SLC16A1: variants seen among roughly 807,000 people sequenced by gnomAD.
The protein encoded by SLC16A1 is solute carrier family 16 member 1, also known as monocarboxylate transporter 1.
Under a neutral mutation model 32.2 loss-of-function variants are expected in SLC16A1, and 11 were observed. The observed-to-expected ratio is 0.34, with a 90% confidence interval of 0.21 to 0.56. The LOEUF (loss-of-function observed/expected upper bound fraction) is 0.56, where lower values mean the gene tolerates loss of function less well. SLC16A1 is among the 20% of genes least tolerant of loss of function. The pLI is 0.87. For missense variants in SLC16A1, 435 were observed against 615.0 expected, an observed-to-expected ratio of 0.71 and a Z score of 3.10; for synonymous variants, 231 against 226.8, an observed-to-expected ratio of 1.02 and a Z score of -0.17.
chr1:112,918,089 T>G (rs756350441), intron 3 of SLC16A1, 45 bp from the exon 4 acceptor site: 2 of 1,089,062 alleles, frequency 1.8e-6, no homozygotes, highest in Non-Finnish European at 1.2e-6. Flanking sequence ...AATAAATAAA[T>G]AAATAAATAA....
intron 1 of SLC16A1, among the ~76,000 whole-genome samples, chr1:112,951,008 A>AT (rs909249573): frequency 7.3e-5 from 11 of 151,628 alleles, no homozygotes; most frequent in African/African-American, 2.4e-4. Flanking sequence ...ATAAATTATA[A>AT]TTTATAGATT....
intron 1 of SLC16A1, 71 bp from the exon 2 acceptor site, chr1:112,929,423 A>C: frequency 2.3e-6 from 2 of 856,468 alleles, no homozygotes; most frequent in Non-Finnish European, 3.8e-6. Flanking sequence ...TGAAATAAGA[A>C]ATATAGCCAA....
intron 4 of SLC16A1, among the ~76,000 whole-genome samples, chr1:112,914,740 A>G (rs1213895414): frequency 1.3e-5 from 2 of 152,258 alleles, no homozygotes; most frequent in Non-Finnish European, 2.9e-5. Flanking sequence ...CACAAAACTA[A>G]TAAGTGAAAT....
intron 1 of SLC16A1, among the ~76,000 whole-genome samples, chr1:112,946,052 T>G (rs888059366): frequency 2.0e-5 from 3 of 152,210 alleles, no homozygotes; most frequent in Non-Finnish European, 4.4e-5. Flanking sequence ...TTTTTCCTTT[T>G]ATAGTATTTT....
chr1:112,930,059 A>C (rs765803053), intron 1 of SLC16A1, among the ~76,000 whole-genome samples: 2 of 152,190 alleles, frequency 1.3e-5, no homozygotes, highest in Non-Finnish European at 2.9e-5. Flanking sequence ...AGCAAATATT[A>C]GTAAGCGTTT....
intron 1 of SLC16A1, among the ~76,000 whole-genome samples, chr1:112,951,422 A>T (rs1649890505): frequency 6.6e-6 from 1 of 152,222 alleles, no homozygotes; most frequent in South Asian, 2.1e-4. Context: ...AGTTGAGAAC[A>T]GGCAGAGATA....
At chr1:112,935,177 G>A (rs1173126966) in intron 1 of SLC16A1, among the ~76,000 whole-genome samples, 1 of 152,206 alleles carries the variant, frequency 6.6e-6, no homozygotes, top group Admixed American at 6.5e-5. Flanking sequence ...CACTTTGGGA[G>A]GCCGAGGAGA....
At chr1:112,919,011 T>TTTTATTTTATTTATTTATTTA (rs1553208040) in intron 3 of SLC16A1, among the ~76,000 whole-genome samples, 1 of 144,224 alleles carries the variant, frequency 6.9e-6, no homozygotes, top group Non-Finnish European at 1.5e-5. Context: ...TACTAATTTA[T>TTTTATTTTATTTATTTATTTA]TTTATTTATT....
intron 4 of SLC16A1, among the ~76,000 whole-genome samples, chr1:112,916,906 G>T (rs1157053283): frequency 6.6e-6 from 1 of 152,058 alleles, no homozygotes; most frequent in Non-Finnish European, 1.5e-5. Flanking sequence ...TCCAGCCTGG[G>T]CAACAGAGCA....
intron 4 of SLC16A1, among the ~76,000 whole-genome samples, chr1:112,916,514 A>AAAAAAAC (rs1160404674): frequency 2.0e-5 from 3 of 151,368 alleles, no homozygotes; most frequent in African/African-American, 7.3e-5. Flanking sequence ...AAAAAAAAAA[A>AAAAAAAC]AAAAAAAACT....
intron 1 of SLC16A1, among the ~76,000 whole-genome samples, chr1:112,946,428 C>T (rs1350677554): frequency 6.6e-6 from 1 of 152,028 alleles, no homozygotes; most frequent in Non-Finnish European, 1.5e-5. Flanking sequence ...ATCTAATTTT[C>T]CCAGTTTTTG....
At chr1:112,942,826 C>T (rs963254295) in intron 1 of SLC16A1, among the ~76,000 whole-genome samples, 14 of 152,128 alleles carry the variant, frequency 9.2e-5, no homozygotes, top group Non-Finnish European at 2.1e-4. Context: ...TCCTCTTGTA[C>T]AGTAGTTGTT....
chr1:112,948,604 A>T (rs1649783556), intron 1 of SLC16A1, among the ~76,000 whole-genome samples: 1 of 146,668 alleles, frequency 6.8e-6, no homozygotes, highest in Non-Finnish European at 1.5e-5. Flanking sequence ...CCCGGGTTCA[A>T]GCAGTTCTCT....
At position 112,929,119 on chromosome 1, in the gene SLC16A1, T is replaced by C. The variant is rs761211321; in HGVS notation, c.190A>G (p.Ile64Val). Residue 64 changes from isoleucine (I) to valine (V), a missense_variant, in exon 2 of 5, where the codon ATA (isoleucine) becomes GTA (valine). Ile to Val is a conservative substitution (Grantham distance 29). Transcript: ENST00000369626. ...TTSEVSWISS[I>V]MLAVMYGGGP... The stretch of plus-strand genomic sequence containing the variant: ...CCACCATACATGACAGCCAACATTA[T>C]GGAGGATATCCATGACACTTCGCTG... The C allele has an allele frequency of 6.2e-6, 10 of 1,613,918 alleles. No individual in the cohort carries two copies. Among genetic ancestry groups the C allele is most frequent in the Non-Finnish European group, 8.5e-6 (10 of 1,179,966 alleles).
At chr1:112,924,264 C>T in intron 2 of SLC16A1, 1 of 1,481,146 alleles carries the variant, frequency 6.8e-7, no homozygotes, top group Non-Finnish European at 9.4e-7. Context: ...AGAGGAAGGG[C>T]CCCTGGAGCC....
At chr1:112,942,034 C>CAT (rs1649530383) in intron 1 of SLC16A1, among the ~76,000 whole-genome samples, 1 of 152,014 alleles carries the variant, frequency 6.6e-6, no homozygotes, top group Non-Finnish European at 1.5e-5. Flanking sequence ...TACAATGGTG[C>CAT]GATCTTGGCT....
At position 112,953,284 on chromosome 1, in the gene SLC16A1, C is replaced by T. The variant is rs559112488; in HGVS notation, c.-45+2751G>A. On this transcript the variant is annotated intron_variant, in intron 1 of 4. Transcript: ENST00000369626. ...TCAAGCTGTTCTCCTGTATCAGCCT[C>T]CCAAGTAGCTGGGATTACAGAAGCA... Among the ~76,000 whole-genome samples the T allele has an allele frequency of 2.6e-5, 4 of 152,048 alleles. No homozygotes were observed. In the South Asian group the frequency reaches 6.2e-4, roughly 24 times the overall value.
chr1:112,921,920 G>T, intron 3 of SLC16A1, 70 bp downstream of exon 3: 1 of 1,533,934 alleles, frequency 6.5e-7, no homozygotes, highest in Non-Finnish European at 9.0e-7. Flanking sequence ...AGATCTGAAA[G>T]ATGAATGCAG....
At chr1:112,915,438 G>A (rs1253099757) in intron 4 of SLC16A1, among the ~76,000 whole-genome samples, 1 of 152,164 alleles carries the variant, frequency 6.6e-6, no homozygotes, top group Non-Finnish European at 1.5e-5. Context: ...GGAGGCCAGT[G>A]GTAGAAATGA....
Sources: allele counts gnomAD v4.1 joint callset (sites outside exome capture counted in the v4.1 genomes callset), GRCh38; gene constraint gnomAD v4.1.1; transcripts MANE v1.5; gene names NCBI Gene and HGNC (gene_info 2026-07-23, HGNC 2026-07-21).